The following CPNE4 variants were observed in gnomAD, a reference collection of about 807,000 sequenced individuals.
CPNE4 encodes the protein copine-4.
Under a neutral mutation model 67.9 loss-of-function variants are expected in CPNE4, and 25 were observed. The observed-to-expected ratio is 0.37, with a 90% CI of 0.27 to 0.51. The LOEUF (loss-of-function observed/expected upper bound fraction) is 0.51, where lower values mean the gene tolerates loss of function less well. Among genes scored for constraint, CPNE4 ranks in the 20% least tolerant of loss-of-function variants. The pLI is 0.93. For missense variants in CPNE4, 464 were observed against 690.8 expected, an observed-to-expected ratio of 0.67 and a Z score of 3.68; for synonymous variants, 242 against 244.9, an observed-to-expected ratio of 0.99 and a Z score of 0.11.
intron 7 of CPNE4, among the ~76,000 whole-genome samples, chr3:131,636,013 G>A (rs1337166885): frequency 3.3e-5 from 3 of 92,248 alleles, no homozygotes; most frequent in East Asian, 5.8e-4. Context: ...CCCGGGAGGC[G>A]GAGCTTGCAG....
intron 1 of CPNE4, among the ~76,000 whole-genome samples, chr3:131,909,484 A>G (rs1287728120): frequency 6.6e-6 from 1 of 152,174 alleles, no homozygotes; most frequent in East Asian, 1.9e-4. Context: ...GGTTGTTACA[A>G]CAGTTTTGGT....
intron 2 of CPNE4, among the ~76,000 whole-genome samples, chr3:131,894,747 T>G (rs1052811872): frequency 2.6e-5 from 4 of 151,960 alleles, no homozygotes; most frequent in African/African-American, 7.2e-5. Context: ...GAGGCAGCAC[T>G]TACACGCTAT....
chr3:132,010,927 T>C (rs1345102204), intron 1 of CPNE4, among the ~76,000 whole-genome samples: 1 of 152,036 alleles, frequency 6.6e-6, no homozygotes, highest in African/African-American at 2.4e-5. Flanking sequence ...GGCACCCCAG[T>C]AGGGGAGCAC....
intron 1 of CPNE4, among the ~76,000 whole-genome samples, chr3:132,005,464 T>C (rs2073575036): frequency 6.6e-6 from 1 of 151,534 alleles, no homozygotes; most frequent in South Asian, 2.1e-4. Flanking sequence ...CACATCCTTT[T>C]TCTCCATCTG....
At chr3:131,865,700 T>C (rs1375134547) in intron 2 of CPNE4, among the ~76,000 whole-genome samples, 1 of 152,214 alleles carries the variant, frequency 6.6e-6, no homozygotes, top group East Asian at 1.9e-4. Flanking sequence ...TTGAGTAGCA[T>C]GCCATACACA....
chr3:131,940,611 G>A (rs1255285438), intron 1 of CPNE4, among the ~76,000 whole-genome samples: 1 of 152,004 alleles, frequency 6.6e-6, no homozygotes, highest in Admixed American at 6.6e-5. Context: ...GTATACCAGT[G>A]GAAATACCTC....
intron 1 of CPNE4, among the ~76,000 whole-genome samples, chr3:132,013,213 A>G (rs2073814030): frequency 6.6e-6 from 1 of 152,120 alleles, no homozygotes; most frequent in Non-Finnish European, 1.5e-5. Flanking sequence ...ACAGAGCAAG[A>G]CTCCATCTCA....
chr3:131,660,528 G>A (rs534918769), intron 7 of CPNE4, among the ~76,000 whole-genome samples: 3 of 152,152 alleles, frequency 2.0e-5, no homozygotes, highest in Admixed American at 2.0e-4. Context: ...CCACATGTGG[G>A]TAGTGGCTAC....
At chr3:132,006,036 G>A (rs1157918549) in intron 1 of CPNE4, among the ~76,000 whole-genome samples, 2 of 152,134 alleles carry the variant, frequency 1.3e-5, no homozygotes, top group Admixed American at 6.6e-5. Flanking sequence ...CTGCAGTTCT[G>A]TGAGAATATA....
At chr3:131,862,681 G>T (rs12637006) in intron 2 of CPNE4, among the ~76,000 whole-genome samples, 11,601 of 146,654 alleles carry the variant, frequency 0.079, 587 homozygotes, top group East Asian at 0.17. Context: ...TTCAGTCATG[G>T]CATTTTCTTT....
intron 1 of CPNE4, among the ~76,000 whole-genome samples, chr3:131,961,557 G>A (rs892874329): frequency 3.9e-5 from 6 of 152,172 alleles, no homozygotes; most frequent in Non-Finnish European, 2.9e-5. Flanking sequence ...ATGTATGGTT[G>A]AAAAGAAACA....
intron 6 of CPNE4, among the ~76,000 whole-genome samples, chr3:131,676,542 C>T (rs890403288): frequency 6.6e-6 from 1 of 152,122 alleles, no homozygotes; most frequent in Non-Finnish European, 1.5e-5. Context: ...CCACCTTCTG[C>T]CCTCTGATAG....
chr3:131,951,592 A>G (rs551286933), intron 1 of CPNE4, among the ~76,000 whole-genome samples: 1 of 141,696 alleles, frequency 7.1e-6, no homozygotes, highest in South Asian at 2.1e-4. Flanking sequence ...CTCTCTTTCC[A>G]TGGTCTCCCT....
intron 13 of CPNE4, 53 bp downstream of exon 13, chr3:131,552,387 A>C: frequency 6.8e-7 from 1 of 1,475,512 alleles, no homozygotes; most frequent in Non-Finnish European, 9.4e-7. Flanking sequence ...TAAAATGGGA[A>C]AGCTGCAAAG....
At position 131,863,171 on chromosome 3, in the gene CPNE4, G is replaced by A. The variant is rs549546172; in HGVS notation, c.180+42093C>T. Among the ~76,000 whole-genome samples the A allele has an allele frequency of 9.9e-4, 150 of 152,252 alleles. 1 individual carries two copies. Among genetic ancestry groups the A allele is most frequent in the African/African-American group, 3.3e-3 (139 of 41,532 alleles). Reference sequence around the variant, plus strand: ...GTGAATAGTGCAACAATAAATATACGTGTGCATGTGTCTTTATAGCAGCAT... The same window carrying A: ...GTGAATAGTGCAACAATAAATATACATGTGCATGTGTCTTTATAGCAGCAT... On this transcript the variant is annotated intron_variant, in intron 2 of 15. Coordinates refer to ENST00000429747, the MANE Select transcript of CPNE4 (RefSeq NM_130808.3).
At chr3:131,940,569 TA>T (rs1415653296) in intron 1 of CPNE4, among the ~76,000 whole-genome samples, 1 of 152,054 alleles carries the variant, frequency 6.6e-6, no homozygotes, top group African/African-American at 2.4e-5. Context: ...AAAGTGACTC[TA>T]AAAAAATTAG....
intron 1 of CPNE4, among the ~76,000 whole-genome samples, chr3:131,930,254 A>G (rs1461154): frequency 0.36 from 54,084 of 151,562 alleles, 10,184 homozygotes; most frequent in African/African-American, 0.47. Context: ...ATCAAGGGAC[A>G]TTGCAGTAAC....
intron 9 of CPNE4, among the ~76,000 whole-genome samples, chr3:131,576,925 A>T (rs1006770661): frequency 3.9e-5 from 6 of 152,008 alleles, no homozygotes; most frequent in Admixed American, 2.0e-4. Context: ...AAGGGAGGTG[A>T]TTGGGGGTTT....
At chr3:131,894,042 T>C (rs966039658) in intron 2 of CPNE4, among the ~76,000 whole-genome samples, 5 of 151,788 alleles carry the variant, frequency 3.3e-5, no homozygotes, top group African/African-American at 1.2e-4. Context: ...TTTAAAAAGA[T>C]AAAATTGACA....
Sources: gnomAD v4.1 joint callset for allele counts (sites outside exome capture counted in the v4.1 genomes callset) on GRCh38, gnomAD v4.1.1 for gene constraint, MANE v1.5 for transcripts, NCBI Gene and HGNC (gene_info 2026-07-23, HGNC 2026-07-21) for gene names.